The following GNG7 variants were observed in gnomAD, a reference collection of about 807,000 sequenced individuals.
GNG7 encodes guanine nucleotide-binding protein G(I)/G(S)/G(O) subunit gamma-7.
GNG7 carries 1 observed loss-of-function variant against 4.0 expected under a neutral mutation model. The ratio of observed to expected loss-of-function variants is 0.25; its 90% CI spans 0.09 to 1.18. The LOEUF is 1.18. Ranked by LOEUF, GNG7 falls within the 50% of genes most tolerant of loss-of-function variation. The pLI, the probability that GNG7 is intolerant of heterozygous loss-of-function variation, is 0.50. For synonymous variants in GNG7, 34 were observed against 36.9 expected (o/e 0.92, Z 0.29); for missense variants, 86 against 91.9 (o/e 0.94, Z 0.26).
chr19:2,586,737 C>T (rs1980684807), intron 2 of GNG7, among the ~76,000 whole-genome samples: 1 of 152,004 alleles, frequency 6.6e-6, no homozygotes, highest in East Asian at 1.9e-4. Flanking sequence ...GTAATCCCAG[C>T]ACTTTGGGAG....
intron 1 of GNG7, among the ~76,000 whole-genome samples, chr19:2,666,310 T>A (rs144622726): frequency 0.019 from 2,941 of 152,058 alleles, 81 homozygotes; most frequent in African/African-American, 0.067. Flanking sequence ...GTAGCTGGGA[T>A]TACAGGCACC....
chr19:2,682,069 C>G (rs1211665600), intron 1 of GNG7, among the ~76,000 whole-genome samples: 2 of 152,102 alleles, frequency 1.3e-5, no homozygotes, highest in Non-Finnish European at 2.9e-5. Flanking sequence ...GCCACCACGC[C>G]CGGCTAATTT....
chr19:2,552,859 C>CA (rs1178787797), intron 3 of GNG7, among the ~76,000 whole-genome samples: 3 of 150,666 alleles, frequency 2.0e-5, no homozygotes, highest in Non-Finnish European at 4.4e-5. Context: ...CCACCCCCCC[C>CA]ACCTCCCCAC....
rs1429487832 is a variant in GNG7, at chr19:2,633,507, A to G, written c.-78+12717T>C. Among the ~76,000 whole-genome samples, 13 of 145,542 alleles carry G rather than the reference A, an allele frequency of 8.9e-5. No homozygotes were observed. The highest frequency in any genetic ancestry group is 2.5e-4 in the African/African-American group (9 of 35,934). ...CGCGCGCACACACACACACACACAC[A>G]CACACACACACACACACGAGAGGTG... On this transcript the variant is annotated intron_variant, in intron 2 of 4. Transcript: ENST00000382159. This position sits in a 1 kb window ranked among gnomAD's most constrained non-coding sequence, Gnocchi z 5.9.
intron 3 of GNG7, among the ~76,000 whole-genome samples, chr19:2,524,183 C>T (rs754363696): frequency 6.6e-6 from 1 of 152,232 alleles, no homozygotes; most frequent in African/African-American, 2.4e-5. Context: ...CCCTGCTGCC[C>T]TGGGCAGCCA....
chr19:2,564,748 C>T (rs1979849570), intron 2 of GNG7, among the ~76,000 whole-genome samples: 1 of 152,148 alleles, frequency 6.6e-6, no homozygotes, highest in Non-Finnish European at 1.5e-5. Flanking sequence ...TGGAGGGAGC[C>T]TAGCCCTGCA....
intron 1 of GNG7, among the ~76,000 whole-genome samples, chr19:2,692,535 T>C (rs1381865016): frequency 6.6e-6 from 1 of 150,798 alleles, no homozygotes; most frequent in East Asian, 1.9e-4. Flanking sequence ...CTCGGGAGGC[T>C]GAGGCAGGAG....
intron 2 of GNG7, among the ~76,000 whole-genome samples, chr19:2,567,546 G>A (rs117468616): frequency 0.06 from 9,117 of 152,066 alleles, 365 homozygotes; most frequent in East Asian, 0.17. Context: ...GGCTGGTCTT[G>A]AGCTCCTGAG....
At chr19:2,637,152 G>A (rs758093628) in intron 2 of GNG7, among the ~76,000 whole-genome samples, 48 of 152,056 alleles carry the variant, frequency 3.2e-4, no homozygotes, top group Non-Finnish European at 6.3e-4. Context: ...GCCCCCTCGT[G>A]GCCGCCAGCG....
rs1248067802 is a variant in GNG7, at chr19:2,609,671, A to G, written c.-78+36553T>C. Among the ~76,000 whole-genome samples, 23 of 152,150 alleles carry G rather than the reference A, an allele frequency of 1.5e-4. No homozygotes were observed. Among genetic ancestry groups the G allele is most frequent in the Admixed American group, 1.5e-3 (23 of 15,264 alleles). The stretch of plus-strand genomic sequence containing the variant: ...CCAGCCTCCAGAACCAAGAGAGAGA[A>G]GAAATCTCTGTTGCTAAAGCCCTCC... On this transcript the variant is annotated intron_variant, in intron 2 of 4. Transcript: ENST00000382159. The surrounding 1 kb of genome is among the most constrained non-coding windows in gnomAD (Gnocchi z 4.4).
chr19:2,648,882 T>TA (rs1982737242), intron 1 of GNG7, among the ~76,000 whole-genome samples: 1 of 151,290 alleles, frequency 6.6e-6, no homozygotes, highest in African/African-American at 2.4e-5. Context: ...GTTTTTTTTT[T>TA]TGTTTTTTGT....
At chr19:2,553,520 ACACATTACATGTAACAT>A (rs1979411756) in intron 3 of GNG7, among the ~76,000 whole-genome samples, 1 of 148,708 alleles carries the variant, frequency 6.7e-6, no homozygotes, top group African/African-American at 2.4e-5. Context: ...ACATATATGT[ACACATTACATGTAACAT>A]CACATTACAT....
At chr19:2,556,348 C>A (rs1365942778) in intron 2 of GNG7, among the ~76,000 whole-genome samples, 1 of 152,234 alleles carries the variant, frequency 6.6e-6, no homozygotes, top group East Asian at 1.9e-4. Flanking sequence ...CGGGCCCAAC[C>A]CAGGCCCAGC....
chr19:2,675,549 A>G lies in GNG7; in HGVS notation c.-135+27097T>C, dbSNP rs147130187. Among the ~76,000 whole-genome samples, 144 of 152,360 alleles carry G rather than the reference A, an allele frequency of 9.5e-4. 3 individuals carry two copies. The East Asian group carries it at 0.027, about 29-fold the overall frequency. Reference sequence around the variant, plus strand: ...ATATCAGATGTCGCGGCCCCTCTGCAGAGGACAGTTCTGAAGGACAGCGAT... The same window carrying G: ...ATATCAGATGTCGCGGCCCCTCTGCGGAGGACAGTTCTGAAGGACAGCGAT... On this transcript the variant is annotated intron_variant, in intron 1 of 4. Coordinates refer to ENST00000382159, the MANE Select transcript of GNG7 (RefSeq NM_052847.3).
chr19:2,601,679 C>T (rs1981203091), intron 2 of GNG7, among the ~76,000 whole-genome samples: 1 of 150,466 alleles, frequency 6.6e-6, no homozygotes, highest in African/African-American at 2.4e-5. Flanking sequence ...GTTGGGAGGC[C>T]GGGGCAGGAG....
At chr19:2,655,656 G>A (rs1348545265) in intron 1 of GNG7, among the ~76,000 whole-genome samples, 3 of 151,920 alleles carry the variant, frequency 2.0e-5, no homozygotes, top group East Asian at 3.9e-4. Context: ...GGCTAACACA[G>A]TGAAACTTTG....
At chr19:2,668,237 C>T (rs879065433) in intron 1 of GNG7, among the ~76,000 whole-genome samples, 1 of 149,026 alleles carries the variant, frequency 6.7e-6, no homozygotes, top group Admixed American at 6.7e-5. Context: ...AAAAAAGAGA[C>T]AGAGAGAAGA....
At chr19:2,624,747 G>T (rs1195219640) in intron 2 of GNG7, among the ~76,000 whole-genome samples, 1 of 152,134 alleles carries the variant, frequency 6.6e-6, no homozygotes, top group African/African-American at 2.4e-5. Context: ...AGTGCCTTCT[G>T]GGAAGGAGGG....
intron 2 of GNG7, among the ~76,000 whole-genome samples, chr19:2,619,958 A>C (rs10401291): frequency 0.34 from 51,004 of 149,320 alleles, 12,280 homozygotes; most frequent in African/African-American, 0.69. Flanking sequence ...TTTTGGGAGG[A>C]CGAGGGGGGG....
Sources: gnomAD v4.1 joint callset for allele counts (sites outside exome capture counted in the v4.1 genomes callset) on GRCh38, gnomAD v4.1.1 for gene constraint, Gnocchi (gnomAD v3.1) non-coding constraint, MANE v1.5 for transcripts, NCBI Gene and HGNC (gene_info 2026-07-23, HGNC 2026-07-21) for gene names.